The following IPO11 variants were observed in gnomAD, a reference collection of about 807,000 sequenced individuals.
The protein encoded by IPO11 is importin 11, also known as importin-11.
In IPO11, 66 loss-of-function variants were observed where a neutral mutation model predicts 143.2. The ratio of observed to expected loss-of-function variants is 0.46; its 90% CI spans 0.38 to 0.57. IPO11 has a LOEUF of 0.57. Ranked by LOEUF, IPO11 falls within the 20% of genes least tolerant of loss-of-function variation. The pLI is 0.00. For synonymous variants in IPO11, 385 were observed against 377.8 expected (o/e 1.02, Z -0.22); for missense variants, 1,026 against 1,141.0 (o/e 0.90, Z 1.45).
intron 12 of IPO11, among the ~76,000 whole-genome samples, chr5:62,487,296 T>C (rs550124607): frequency 3.3e-5 from 5 of 152,154 alleles, no homozygotes; most frequent in African/African-American, 1.2e-4. Context: ...CTCGGGAGGC[T>C]GAAGCAGGGG....
At chr5:62,490,557 G>C (rs1746569203) in intron 15 of IPO11, among the ~76,000 whole-genome samples, 1 of 152,152 alleles carries the variant, frequency 6.6e-6, no homozygotes, top group Non-Finnish European at 1.5e-5. Context: ...TGTGAAAGAT[G>C]AATGTCTTGG....
intron 2 of IPO11, among the ~76,000 whole-genome samples, chr5:62,441,768 C>T (rs569479573): frequency 2.6e-4 from 39 of 151,546 alleles, no homozygotes; most frequent in African/African-American, 8.5e-4. Context: ...CCACCTGCCT[C>T]GGCCTCCCAG....
intron 1 of IPO11, among the ~76,000 whole-genome samples, chr5:62,430,023 C>G (rs1743922026): frequency 6.6e-6 from 1 of 152,152 alleles, no homozygotes; most frequent in Non-Finnish European, 1.5e-5. Context: ...TCCCAAAGTG[C>G]TGGGATTATA....
At chr5:62,610,315 T>C (rs1745881782) in intron 29 of IPO11, among the ~76,000 whole-genome samples, 1 of 152,224 alleles carries the variant, frequency 6.6e-6, no homozygotes, top group Non-Finnish European at 1.5e-5. Context: ...TGGCACAAGA[T>C]GATCTTTACA....
intron 1 of IPO11, among the ~76,000 whole-genome samples, chr5:62,426,560 A>C (rs153862): frequency 0.31 from 47,183 of 152,024 alleles, 7,664 homozygotes; most frequent in East Asian, 0.46. Context: ...AGAAGTTGGG[A>C]TGTTTTTGGA....
chr5:62,483,355 T>G, intron 10 of IPO11, 62 bp downstream of exon 10: 1 of 986,752 alleles, frequency 1.0e-6, no homozygotes, highest in Non-Finnish European at 1.5e-6. Context: ...ATAATTGCTA[T>G]AATTACAAAC....
At chr5:62,543,963 C>T (rs1027936954) in intron 24 of IPO11, among the ~76,000 whole-genome samples, 1 of 152,122 alleles carries the variant, frequency 6.6e-6, no homozygotes, top group African/African-American at 2.4e-5. Flanking sequence ...CATTCAGCAG[C>T]AGGTTGTTCA....
chr5:62,624,980 C>CAAAAA (rs141431600), intron 29 of IPO11, among the ~76,000 whole-genome samples: 53 of 89,658 alleles, frequency 5.9e-4, no homozygotes, highest in Non-Finnish European at 7.7e-4. Flanking sequence ...GCGAGAGACT[C>CAAAAA]AAAAAAAAAA....
At chr5:62,434,169 C>T (rs1744088119) in intron 1 of IPO11, among the ~76,000 whole-genome samples, 1 of 152,120 alleles carries the variant, frequency 6.6e-6, no homozygotes, top group Admixed American at 6.6e-5. Flanking sequence ...TAGTTGTTTT[C>T]CCCGTCTGAA....
At chr5:62,425,443 G>A (rs1209623185) in intron 1 of IPO11, among the ~76,000 whole-genome samples, 1 of 152,110 alleles carries the variant, frequency 6.6e-6, no homozygotes, top group African/African-American at 2.4e-5. Context: ...TCAGCCTCCC[G>A]AGTAGCTGGG....
At chr5:62,525,984 C>T (rs903926354) in intron 20 of IPO11, among the ~76,000 whole-genome samples, 158 bp from the exon 21 acceptor site, 2 of 152,136 alleles carry the variant, frequency 1.3e-5, no homozygotes, top group African/African-American at 2.4e-5. Flanking sequence ...CAATTATAAA[C>T]AGAACTTTGT....
At chr5:62,524,660 G>C (rs1742311121) in intron 20 of IPO11, among the ~76,000 whole-genome samples, 1 of 151,894 alleles carries the variant, frequency 6.6e-6, no homozygotes, top group African/African-American at 2.4e-5. Context: ...ATTATTAAAA[G>C]GGACAAAATT....
chr5:62,623,772 G>T (rs1008022861), intron 29 of IPO11, among the ~76,000 whole-genome samples: 1 of 150,994 alleles, frequency 6.6e-6, no homozygotes, highest in South Asian at 2.1e-4. Context: ...ATGCCACCAT[G>T]GCCAGCTAAT....
intron 1 of IPO11, among the ~76,000 whole-genome samples, chr5:62,425,466 C>T (rs1225238443): frequency 6.6e-6 from 1 of 152,088 alleles, no homozygotes; most frequent in African/African-American, 2.4e-5. Flanking sequence ...TACAGGCGAG[C>T]GCCACCATGC....
Position 62,551,226 on chromosome 5 carries a change from T to G in IPO11, c.2350T>G (p.Tyr784Asp), listed in dbSNP as rs1580315525. The G allele has an allele frequency of 3.2e-6, 5 of 1,564,382 alleles. No individual in the cohort carries two copies. The highest frequency in any genetic ancestry group is 4.4e-6 in the Non-Finnish European group (5 of 1,137,232). ...GTGTTGTATTTTAATTGTACAGAGG[T>G]ATCCTGTAGTGATGTCCACGTATCT... ...VFKGIIEGERYPVVMSTYLGV... is the reference protein window; with the variant it reads ...VFKGIIEGERDPVVMSTYLGV... The change falls in exon 26 of 30, where the codon TAT (tyrosine) becomes GAT (aspartate). Residue 784 changes from tyrosine to aspartate, a missense_variant. Coordinates refer to ENST00000325324, the MANE Select transcript of IPO11 (RefSeq NM_016338.5).
rs530183382 is a variant in IPO11 at position 62,444,669 on chromosome 5, G to T, written c.239+1586G>T. Among the ~76,000 whole-genome samples the T allele has an allele frequency of 6.6e-5, 10 of 152,040 alleles. No individual in the cohort carries two copies. In the South Asian group the frequency reaches 1.0e-3, roughly 16 times the overall value. On this transcript the variant is annotated intron_variant, in intron 3 of 29. Coordinates refer to ENST00000325324, the MANE Select transcript of IPO11 (RefSeq NM_016338.5). ...GGATCACCTGGGGTCAGGAGTTCGA[G>T]ACCAGCCTGCCCAACATGGCGAAAC...
chr5:62,564,446 G>T (rs1743870652), intron 27 of IPO11, among the ~76,000 whole-genome samples: 1 of 152,014 alleles, frequency 6.6e-6, no homozygotes, highest in Non-Finnish European at 1.5e-5. Flanking sequence ...GTTTCTTTTA[G>T]ATTTTACAGC....
intron 8 of IPO11, 54 bp from the exon 9 acceptor site, chr5:62,476,629 T>C (rs1286984672): frequency 6.9e-7 from 1 of 1,455,866 alleles, no homozygotes; most frequent in Non-Finnish European, 9.2e-7. Flanking sequence ...AATTTTGATG[T>C]TGTCTTGGTT....
chr5:62,485,477 C>T lies in IPO11; in HGVS notation c.1218+15C>T, dbSNP rs1284184138. On this transcript the variant is annotated intron_variant, in intron 12 of 29. Transcript: ENST00000325324. The stretch of plus-strand genomic sequence containing the variant: ...ATAGTTTGAGGGTAAGTATTAATTG[C>T]AAGAAAAATTGATAGGGGAAAGCTT... The T allele has an allele frequency of 9.5e-6, 15 of 1,586,660 alleles. No individual in the cohort carries two copies. Among genetic ancestry groups the T allele is most frequent in the Non-Finnish European group, 1.3e-5 (15 of 1,156,118 alleles).
Sources: gnomAD v4.1 joint callset for allele counts (sites outside exome capture counted in the v4.1 genomes callset) on GRCh38, gnomAD v4.1.1 for gene constraint, MANE v1.5 for transcripts, NCBI Gene and HGNC (gene_info 2026-07-23, HGNC 2026-07-21) for gene names.